The following SCTR variants were observed in gnomAD, a reference collection of about 807,000 sequenced individuals.
The protein encoded by SCTR is pancreatic secretin receptor.
SCTR carries 56 observed loss-of-function variants against 60.8 expected under a neutral mutation model. The observed-to-expected ratio is 0.92, with a 90% CI of 0.74 to 1.15. The LOEUF (loss-of-function observed/expected upper bound fraction) is 1.15, where lower values mean the gene tolerates loss of function less well. SCTR is among the 50% of genes most tolerant of loss of function. The pLI is 0.00. For synonymous variants in SCTR, 202 were observed against 217.0 expected (o/e 0.93, Z 0.61); for missense variants, 562 against 550.4 (o/e 1.02, Z -0.21).
intron 1 of SCTR, among the ~76,000 whole-genome samples, chr2:119,497,535 A>G (rs941112879): frequency 3.9e-5 from 6 of 152,216 alleles, no homozygotes; most frequent in African/African-American, 1.4e-4. Context: ...CAAAGATTTT[A>G]AAGCATTATG....
At chr2:119,461,131 G>A (rs1300830701) in intron 7 of SCTR, among the ~76,000 whole-genome samples, 6 of 152,184 alleles carry the variant, frequency 3.9e-5, no homozygotes, top group Admixed American at 2.6e-4. Flanking sequence ...TGAAGTTGGT[G>A]ATCACTGGAC....
At chr2:119,453,225 T>A (rs1210171362) in intron 8 of SCTR, 62 bp downstream of exon 8, 4 of 1,277,200 alleles carry the variant, frequency 3.1e-6, no homozygotes, top group East Asian at 2.3e-5. Flanking sequence ...GAAGTAACTA[T>A]GCTGTTTGAA....
chr2:119,483,801 C>T (rs141921950), intron 2 of SCTR, among the ~76,000 whole-genome samples: 3 of 152,238 alleles, frequency 2.0e-5, no homozygotes, highest in Admixed American at 1.3e-4. Context: ...ACAGGAGGTG[C>T]GTGGCTCTAG....
At position 119,440,018 on chromosome 2, in the gene SCTR, A is replaced by C; in HGVS notation, c.*99T>G. On this transcript the variant is annotated 3_prime_UTR_variant, in exon 13 of 13. Coordinates refer to ENST00000019103, the MANE Select transcript of SCTR (RefSeq NM_002980.3). ...GGGGCATCTTCAGCTGAAGGAGGAC[A>C]CAGGGTGTCTGCTGGGAAGACTGGC... is the stretch of plus-strand genomic sequence containing the variant. 7.7e-7 allele frequency: 1 copy of C among 1,291,660 alleles called. No homozygotes were observed. Among genetic ancestry groups the C allele is most frequent in the Non-Finnish European group, 1.1e-6 (1 of 931,050 alleles). 80.0% of individuals were successfully genotyped at this position (1,291,660 alleles called of 1,614,324 possible). A position where few individuals can be genotyped will look rare whatever the true frequency, so the allele number is the denominator to read the frequency against.
chr2:119,508,383 CTTTTTTTTTTTTTTTT>C (rs34070844), intron 1 of SCTR, among the ~76,000 whole-genome samples: 2 of 77,408 alleles, frequency 2.6e-5, no homozygotes, highest in Non-Finnish European at 4.6e-5. Flanking sequence ...TCTTCTTCTT[CTTTTTTTTTTTTTTTT>C]TTTTTTTTTG....
intron 2 of SCTR, 37 bp downstream of exon 2, chr2:119,494,391 C>T: frequency 6.2e-7 from 1 of 1,607,840 alleles, no homozygotes; most frequent in Non-Finnish European, 8.5e-7. Flanking sequence ...CATGCTCCAC[C>T]CCCAAGAGAG....
chr2:119,459,339 A>G (rs1038636409), intron 7 of SCTR, among the ~76,000 whole-genome samples: 1 of 152,166 alleles, frequency 6.6e-6, no homozygotes, highest in African/African-American at 2.4e-5. Context: ...GTGAGGAAAA[A>G]CTGCAAGTAG....
chr2:119,445,641 G>T (rs1324202606), intron 11 of SCTR, among the ~76,000 whole-genome samples: 1 of 152,198 alleles, frequency 6.6e-6, no homozygotes, highest in Non-Finnish European at 1.5e-5. Flanking sequence ...CCCTACCGTG[G>T]AAATGTCGTT....
intron 1 of SCTR, among the ~76,000 whole-genome samples, chr2:119,498,180 G>C (rs755910903): frequency 6.6e-6 from 1 of 152,108 alleles, no homozygotes; most frequent in Non-Finnish European, 1.5e-5. Flanking sequence ...GATGACAACT[G>C]GTTTTCCATC....
rs1400805559 is a variant in SCTR, at chr2:119,461,963, C to T, written c.674G>A (p.Cys225Tyr). The change falls in exon 7 of 13, where the codon TGC becomes TAC. Residue 225 changes from cysteine (C) to tyrosine (Y), a missense_variant. Cys to Tyr is a radical substitution (Grantham distance 194). Transcript: ENST00000019103. ...CAGCCAGGAGTAGTTGGCCATGATG[C>T]AGTACTGGAACAGCACCATGACCAG... ...CKLVMVLFQY[C>Y]IMANYSWLLV... 3 of 1,613,732 alleles carry T rather than the reference C, an allele frequency of 1.9e-6. No homozygotes were observed. In the South Asian group the frequency reaches 3.3e-5, roughly 18 times the overall value.
chr2:119,507,023 A>G (rs1678761803), intron 1 of SCTR, among the ~76,000 whole-genome samples: 1 of 152,248 alleles, frequency 6.6e-6, no homozygotes, highest in African/African-American at 2.4e-5. Flanking sequence ...GGCAAAAGTT[A>G]CAAGAGATCT....
At chr2:119,517,271 C>T (rs995700817) in intron 1 of SCTR, among the ~76,000 whole-genome samples, 1 of 151,910 alleles carries the variant, frequency 6.6e-6, no homozygotes, top group African/African-American at 2.4e-5. Context: ...GCATTCCTCC[C>T]GCCTCAACCT....
chr2:119,509,423 C>T (rs550990137), intron 1 of SCTR, among the ~76,000 whole-genome samples: 1 of 152,220 alleles, frequency 6.6e-6, no homozygotes, highest in African/African-American at 2.4e-5. Context: ...TGAGGTTTCC[C>T]AAAAGTAGAT....
At chr2:119,514,286 A>G (rs1679045654) in intron 1 of SCTR, among the ~76,000 whole-genome samples, 1 of 152,194 alleles carries the variant, frequency 6.6e-6, no homozygotes, top group Admixed American at 6.5e-5. Flanking sequence ...CCAAAGGAGA[A>G]AACCTAACCA....
intron 1 of SCTR, among the ~76,000 whole-genome samples, chr2:119,521,505 A>C (rs1162735637): frequency 6.6e-6 from 1 of 151,990 alleles, no homozygotes; most frequent in East Asian, 1.9e-4. Context: ...TCCAGGTAAA[A>C]GTTCTCATGA....
Position 119,461,997 on chromosome 2 carries a change from C to A in SCTR, c.640G>T (p.Gly214Cys). The change falls in exon 7 of 13, where the codon GGC becomes TGC. Residue 214 changes from glycine (G) to cysteine (C), a missense_variant. By Grantham distance (159) the Gly-to-Cys change is radical. Transcript: ENST00000019103. ...AACAGCACCATGACCAGCTTGCAGC[C>A]CGCCTGGAGAGAGAGAGGCAGCTGA... Reference protein sequence around the residue: ...DVTYCDAHRAGCKLVMVLFQY... With the variant: ...DVTYCDAHRACCKLVMVLFQY... The A allele has an allele frequency of 6.3e-7, 1 of 1,599,414 alleles. No homozygotes were observed. The highest frequency in any genetic ancestry group is 1.3e-5 in the African/African-American group (1 of 74,424).
intron 4 of SCTR, among the ~76,000 whole-genome samples, chr2:119,466,764 TATAC>T (rs3052360): frequency 0.19 from 28,210 of 151,090 alleles, 2,821 homozygotes; most frequent in East Asian, 0.3. Flanking sequence ...TAAATAAATA[TATAC>T]ATACATACAT....
intron 4 of SCTR, among the ~76,000 whole-genome samples, chr2:119,466,963 T>C (rs1055789830): frequency 2.0e-5 from 3 of 152,112 alleles, no homozygotes; most frequent in Non-Finnish European, 2.9e-5. Context: ...TCACCTCCCA[T>C]CTCCCCTGAT....
chr2:119,524,173 G>C lies in SCTR; in HGVS notation c.54C>G (p.Leu18=), dbSNP rs745459908. The change falls in exon 1 of 13, where the codon CTC becomes CTG. Residue 18 remains leucine, a synonymous_variant. Transcript: ENST00000019103. ...PLQQLLLPVL[L]ACAAHSTGAL... is the part of the protein sequence containing the mutation. ...TACTCACCGAGTGCGCGGCGCAGGCGAGCAGCACCGGCAGTAGTAGCTGCT... is the reference window on the plus strand; with the variant it reads ...TACTCACCGAGTGCGCGGCGCAGGCCAGCAGCACCGGCAGTAGTAGCTGCT... 3 of 1,535,004 alleles carry C rather than the reference G, an allele frequency of 2.0e-6. No individual in the cohort carries two copies. The East Asian group carries it at 7.9e-5, about 40-fold the overall frequency.
Sources: gnomAD v4.1 joint callset for allele counts (sites outside exome capture counted in the v4.1 genomes callset) on GRCh38, gnomAD v4.1.1 for gene constraint, MANE v1.5 for transcripts, NCBI Gene and HGNC (gene_info 2026-07-23, HGNC 2026-07-21) for gene names.